SLC8A1: variants seen among roughly 807,000 people sequenced by gnomAD.
SLC8A1 encodes sodium/calcium exchanger 1.
In SLC8A1, 18 loss-of-function variants were observed where a neutral mutation model predicts 68.3. That is an observed-to-expected ratio of 0.26 (90% CI 0.18 to 0.39). The LOEUF is 0.39. Ranked by LOEUF, SLC8A1 falls within the 10% of genes least tolerant of loss-of-function variation. The probability of loss-of-function intolerance (pLI) is 1.00; values close to 1 mark genes in which losing one functional copy is unlikely to be tolerated. For synonymous variants in SLC8A1, 475 were observed against 415.5 expected, an observed-to-expected ratio of 1.14 and a Z score of -1.74; for missense variants, 985 against 1,156.7, an observed-to-expected ratio of 0.85 and a Z score of 2.15.
At chr2:40,238,522 T>C (rs1053519523) in intron 2 of SLC8A1, among the ~76,000 whole-genome samples, 36 of 152,278 alleles carry the variant, frequency 2.4e-4, no homozygotes, top group African/African-American at 7.2e-4. Context: ...CCTAGTGAGA[T>C]GAACCCAGTA....
intron 2 of SLC8A1, among the ~76,000 whole-genome samples, chr2:40,240,078 T>G (rs573577818): frequency 6.6e-6 from 1 of 152,330 alleles, no homozygotes; most frequent in South Asian, 2.1e-4. Flanking sequence ...GAGCTTAGCT[T>G]AAAACTATCT....
chr2:40,277,074 A>T (rs2066795251), intron 2 of SLC8A1, among the ~76,000 whole-genome samples: 1 of 152,242 alleles, frequency 6.6e-6, no homozygotes, highest in African/African-American at 2.4e-5. Context: ...TGAATATCAC[A>T]GTTCAAGGTG....
intron 2 of SLC8A1, among the ~76,000 whole-genome samples, chr2:40,419,608 C>G (rs1443382457): frequency 6.6e-6 from 1 of 152,040 alleles, no homozygotes; most frequent in African/African-American, 2.4e-5. Context: ...CCCAGGAACA[C>G]AGATATACAC....
intron 1 of SLC8A1, among the ~76,000 whole-genome samples, chr2:40,507,948 T>C (rs951286945): frequency 2.0e-5 from 3 of 152,106 alleles, no homozygotes; most frequent in African/African-American, 4.8e-5. Context: ...TTTTATTTCA[T>C]AGAATGTATT....
intron 2 of SLC8A1, among the ~76,000 whole-genome samples, chr2:40,378,183 T>C (rs1680547599): frequency 6.6e-6 from 1 of 152,114 alleles, no homozygotes; most frequent in Admixed American, 6.6e-5. Flanking sequence ...AAATGCCTAG[T>C]ATATTTCATA....
At chr2:40,363,506 C>T (rs1329883303) in intron 2 of SLC8A1, among the ~76,000 whole-genome samples, 1 of 152,068 alleles carries the variant, frequency 6.6e-6, no homozygotes, top group African/African-American at 2.4e-5. Context: ...TAAACTGGCA[C>T]ATGGTAAATG....
At chr2:40,326,606 G>C (rs1040157401) in intron 2 of SLC8A1, among the ~76,000 whole-genome samples, 3 of 151,812 alleles carry the variant, frequency 2.0e-5, no homozygotes, top group Non-Finnish European at 4.4e-5. Context: ...TCTAACTTTC[G>C]AACTGCCAAG....
chr2:40,439,074 C>T (rs987842777), intron 1 of SLC8A1, among the ~76,000 whole-genome samples: 7 of 151,936 alleles, frequency 4.6e-5, no homozygotes, highest in Non-Finnish European at 8.8e-5. Context: ...TATGAAGCCC[C>T]GTAGTGAATA....
intron 2 of SLC8A1, among the ~76,000 whole-genome samples, chr2:40,256,288 C>A (rs976690542): frequency 3.3e-5 from 5 of 152,138 alleles, no homozygotes; most frequent in African/African-American, 1.2e-4. Flanking sequence ...ATATAAAATT[C>A]CTTTTTTGAG....
At chr2:40,271,617 A>G (rs2066039239) in intron 2 of SLC8A1, among the ~76,000 whole-genome samples, 1 of 152,182 alleles carries the variant, frequency 6.6e-6, no homozygotes, top group African/African-American at 2.4e-5. Context: ...CAGAAGAAAA[A>G]GTTTCTTTAG....
intron 2 of SLC8A1, among the ~76,000 whole-genome samples, chr2:40,336,047 T>A (rs77381651): frequency 0.017 from 2,652 of 152,304 alleles, 31 homozygotes; most frequent in Non-Finnish European, 0.022. Flanking sequence ...TAGGGTGGCA[T>A]AGTTCCTTAT....
intron 1 of SLC8A1, among the ~76,000 whole-genome samples, chr2:40,493,592 G>A (rs1299581080): frequency 1.3e-5 from 2 of 150,644 alleles, no homozygotes; most frequent in African/African-American, 2.4e-5. Flanking sequence ...TGGGAGTTGG[G>A]AAACCAAGCC....
intron 2 of SLC8A1, among the ~76,000 whole-genome samples, chr2:40,249,199 C>G (rs545510478): frequency 6.6e-6 from 1 of 152,202 alleles, no homozygotes; most frequent in South Asian, 2.1e-4. Flanking sequence ...TTATATCTCT[C>G]AGAGCTGAAA....
chr2:40,223,058 C>T (rs2058542201), intron 2 of SLC8A1, among the ~76,000 whole-genome samples: 1 of 152,148 alleles, frequency 6.6e-6, no homozygotes, highest in African/African-American at 2.4e-5. Context: ...ACTAGAAAGA[C>T]ACATGTACAT....
intron 2 of SLC8A1, among the ~76,000 whole-genome samples, chr2:40,206,037 G>A (rs2055376714): frequency 6.6e-6 from 1 of 151,738 alleles, no homozygotes; most frequent in Admixed American, 6.6e-5. Flanking sequence ...AGATTTGATT[G>A]GAAAAAGTAA....
At chr2:40,162,798 C>A (rs896613795) in intron 5 of SLC8A1, among the ~76,000 whole-genome samples, 1 of 152,100 alleles carries the variant, frequency 6.6e-6, no homozygotes, top group Non-Finnish European at 1.5e-5. Flanking sequence ...GAAAACCTCA[C>A]CCTCAGCAAT....
chr2:40,393,999 A>G (rs73928973), intron 2 of SLC8A1, among the ~76,000 whole-genome samples: 1 of 152,024 alleles, frequency 6.6e-6, no homozygotes, highest in Non-Finnish European at 1.5e-5. Context: ...CTTAGGTGAC[A>G]TGTGTCAATG....
At chr2:40,505,210 G>A (rs534580237) in intron 1 of SLC8A1, among the ~76,000 whole-genome samples, 1 of 151,982 alleles carries the variant, frequency 6.6e-6, no homozygotes, top group African/African-American at 2.4e-5. Context: ...AGGGTAGTTA[G>A]GGGATGTGGG....
At chr2:40,503,359 C>A (rs752895612) in intron 1 of SLC8A1, among the ~76,000 whole-genome samples, 1 of 151,994 alleles carries the variant, frequency 6.6e-6, no homozygotes, top group African/African-American at 2.4e-5. Context: ...TTCTTCAGAA[C>A]CATGTCTCCA....
Sources: gnomAD v4.1 joint callset for allele counts (sites outside exome capture counted in the v4.1 genomes callset) on GRCh38, gnomAD v4.1.1 for gene constraint, MANE v1.5 for transcripts, NCBI Gene and HGNC (gene_info 2026-07-23, HGNC 2026-07-21) for gene names.